Variants in SLC16A1 observed in about 807,000 individuals in gnomAD.
The protein encoded by SLC16A1 is monocarboxylate transporter 1.
In SLC16A1, 11 loss-of-function variants were observed where a neutral mutation model predicts 32.2. That is an observed-to-expected ratio of 0.34 (90% CI 0.21 to 0.56). The LOEUF (loss-of-function observed/expected upper bound fraction) is 0.56, where lower values mean the gene tolerates loss of function less well. SLC16A1 is among the 20% of genes least tolerant of loss of function. The pLI, the probability that SLC16A1 is intolerant of heterozygous loss-of-function variation, is 0.87. For synonymous variants in SLC16A1, 231 were observed against 226.8 expected, an observed-to-expected ratio of 1.02 and a Z score of -0.17; for missense variants, 435 against 615.0, an observed-to-expected ratio of 0.71 and a Z score of 3.10.
intron 2 of SLC16A1, chr1:112,924,198 G>A (rs542141776): frequency 3.3e-6 from 5 of 1,514,284 alleles, no homozygotes; most frequent in Middle Eastern, 1.8e-4. Flanking sequence ...CCACGGGGAC[G>A]CAGTCATCCT....
intron 1 of SLC16A1, among the ~76,000 whole-genome samples, chr1:112,944,901 T>C (rs948814496): frequency 1.3e-5 from 2 of 152,010 alleles, no homozygotes; most frequent in African/African-American, 4.8e-5. Flanking sequence ...CCGTGCTGGC[T>C]AGGCTGGTCT....
At chr1:112,922,608 G>A (rs867430035) in intron 2 of SLC16A1, among the ~76,000 whole-genome samples, 9 of 151,858 alleles carry the variant, frequency 5.9e-5, no homozygotes, top group African/African-American at 2.2e-4. Context: ...ACCCCGTCTC[G>A]ACTAAAAATA....
At chr1:112,942,850 G>A (rs1649556006) in intron 1 of SLC16A1, among the ~76,000 whole-genome samples, 1 of 152,088 alleles carries the variant, frequency 6.6e-6, no homozygotes, top group Admixed American at 6.5e-5. Context: ...GATATGAGGA[G>A]GATTAAAGTA....
intron 3 of SLC16A1, among the ~76,000 whole-genome samples, chr1:112,921,186 A>G (rs1648720997): frequency 6.6e-6 from 1 of 152,070 alleles, no homozygotes; most frequent in Non-Finnish European, 1.5e-5. Context: ...AAACCAAGAG[A>G]TACTGTTCTC....
intron 1 of SLC16A1, among the ~76,000 whole-genome samples, chr1:112,932,013 T>A (rs1649147570): frequency 1.3e-5 from 2 of 152,182 alleles, no homozygotes; most frequent in Admixed American, 6.5e-5. Flanking sequence ...CGCTTCTTCA[T>A]AATATTAGCA....
intron 1 of SLC16A1, among the ~76,000 whole-genome samples, chr1:112,954,323 G>A (rs1445670536): frequency 6.6e-6 from 1 of 152,132 alleles, no homozygotes; most frequent in Non-Finnish European, 1.5e-5. Context: ...AATCAGGAGT[G>A]CCAATCTAAC....
At chr1:112,918,083 A>C (rs757744686) in intron 3 of SLC16A1, 39 bp from the exon 4 acceptor site, 1 of 1,117,622 alleles carries the variant, frequency 8.9e-7, no homozygotes, top group Non-Finnish European at 1.1e-6. Context: ...TAAATAAATA[A>C]ATAAATAAAT....
chr1:112,933,163 T>C (rs1649193604), intron 1 of SLC16A1, among the ~76,000 whole-genome samples: 1 of 151,930 alleles, frequency 6.6e-6, no homozygotes, highest in South Asian at 2.1e-4. Flanking sequence ...TGAAGGAACA[T>C]AAAGAAACAA....
intron 1 of SLC16A1, among the ~76,000 whole-genome samples, chr1:112,930,724 GTTTT>G (rs536201953): frequency 2.2e-5 from 3 of 135,198 alleles, no homozygotes; most frequent in African/African-American, 8.4e-5. Context: ...AACATTTTAG[GTTTT>G]TTTTTTTTTT....
At chr1:112,940,734 G>C (rs1460970102) in intron 1 of SLC16A1, among the ~76,000 whole-genome samples, 1 of 151,998 alleles carries the variant, frequency 6.6e-6, no homozygotes, top group Non-Finnish European at 1.5e-5. Flanking sequence ...TTTATACTTT[G>C]ATAAAAAGTA....
At chr1:112,948,238 A>C (rs568551628) in intron 1 of SLC16A1, among the ~76,000 whole-genome samples, 167 of 151,144 alleles carry the variant, frequency 1.1e-3, no homozygotes, top group African/African-American at 3.7e-3. Flanking sequence ...GCGGGGGAGA[A>C]AAAAAAAAGA....
intron 1 of SLC16A1, among the ~76,000 whole-genome samples, chr1:112,938,621 G>A (rs190049613): frequency 6.6e-6 from 1 of 152,230 alleles, no homozygotes; most frequent in African/African-American, 2.4e-5. Flanking sequence ...TACCTACCCT[G>A]CCATTCTGGG....
chr1:112,940,549 A>ATTG (rs1269403550), intron 1 of SLC16A1, among the ~76,000 whole-genome samples: 56 of 152,308 alleles, frequency 3.7e-4, no homozygotes, highest in African/African-American at 1.3e-3. Context: ...CTGAATCAGA[A>ATTG]TCAGGTTAGA....
chr1:112,951,352 T>C (rs1649884663), intron 1 of SLC16A1, among the ~76,000 whole-genome samples: 1 of 152,124 alleles, frequency 6.6e-6, no homozygotes, highest in Non-Finnish European at 1.5e-5. Context: ...GTTTTAAGCC[T>C]GGCTACCTTC....
At chr1:112,924,010 G>A in intron 2 of SLC16A1, 1 of 1,387,038 alleles carries the variant, frequency 7.2e-7, no homozygotes, top group Non-Finnish European at 1.0e-6. Flanking sequence ...CAGCCCATGG[G>A]CCGCTTCTTT....
chr1:112,948,648 C>T lies in SLC16A1; in HGVS notation c.-45+7387G>A, dbSNP rs1432149103. Among the ~76,000 whole-genome samples, 3 of 151,740 alleles carry T rather than the reference C, an allele frequency of 2.0e-5. No homozygotes were observed. In the South Asian group the frequency reaches 6.3e-4, roughly 32 times the overall value. Reference sequence around the variant, plus strand: ...CCTCCAAAGTAGCTGGGATTACAGGCAACCGCCATCATGCCCAGCTGATTT... The same window carrying T: ...CCTCCAAAGTAGCTGGGATTACAGGTAACCGCCATCATGCCCAGCTGATTT... On this transcript the variant is annotated intron_variant, in intron 1 of 4. Coordinates refer to ENST00000369626, the MANE Select transcript of SLC16A1 (RefSeq NM_003051.4).
intron 4 of SLC16A1, among the ~76,000 whole-genome samples, chr1:112,916,755 C>T (rs1316619438): frequency 6.6e-6 from 1 of 151,876 alleles, no homozygotes; most frequent in Admixed American, 6.6e-5. Context: ...CATGGCGAAA[C>T]CCTGTCTCTA....
chr1:112,952,686 G>A (rs1283494560), intron 1 of SLC16A1, among the ~76,000 whole-genome samples: 2 of 152,132 alleles, frequency 1.3e-5, no homozygotes, highest in African/African-American at 2.4e-5. Flanking sequence ...GAGAGAAATC[G>A]TGTCGCTCAA....
At chr1:112,918,914 G>A (rs533089118) in intron 3 of SLC16A1, among the ~76,000 whole-genome samples, 1 of 152,028 alleles carries the variant, frequency 6.6e-6, no homozygotes, top group Admixed American at 6.6e-5. Flanking sequence ...AAACTTTCCT[G>A]AGAGATCAGA....
Sources: gnomAD v4.1 joint callset for allele counts (sites outside exome capture counted in the v4.1 genomes callset) on GRCh38, gnomAD v4.1.1 for gene constraint, MANE v1.5 for transcripts, NCBI Gene and HGNC (gene_info 2026-07-23, HGNC 2026-07-21) for gene names.